Variants in ASIC2 observed in about 807,000 individuals in gnomAD.
ASIC2 encodes the protein acid-sensing ion channel 2.
Under a neutral mutation model 57.3 loss-of-function variants are expected in ASIC2, and 25 were observed. The ratio of observed to expected loss-of-function variants is 0.44; its 90% confidence interval spans 0.32 to 0.61. ASIC2 has a LOEUF of 0.61. ASIC2 is among the 20% of genes least tolerant of loss of function. The probability of loss-of-function intolerance (pLI) is 0.06; values close to 1 mark genes in which losing one functional copy is unlikely to be tolerated. For synonymous variants in ASIC2, 319 were observed against 307.5 expected (o/e 1.04, Z -0.39); for missense variants, 641 against 738.1 (o/e 0.87, Z 1.52).
chr17:33,305,256 G>GCTGATATCAAATCCTCTT (rs1463941990), intron 1 of ASIC2, among the ~76,000 whole-genome samples: 2 of 152,112 alleles, frequency 1.3e-5, no homozygotes, highest in Non-Finnish European at 2.9e-5. Flanking sequence ...CGCAGATTTT[G>GCTGATATCAAATCCTCTT]CTGATATCAA....
chr17:33,590,486 C>T (rs1421042652), intron 1 of ASIC2, among the ~76,000 whole-genome samples: 1 of 152,160 alleles, frequency 6.6e-6, no homozygotes, highest in East Asian at 1.9e-4. Flanking sequence ...CTGCTAGGCT[C>T]ATGAAATGAA....
chr17:33,610,156 T>C (rs982100561), intron 1 of ASIC2, among the ~76,000 whole-genome samples: 2 of 152,152 alleles, frequency 1.3e-5, no homozygotes, highest in Non-Finnish European at 2.9e-5. Flanking sequence ...TCTTTCTCCC[T>C]ATTTTGCCTC....
intron 1 of ASIC2, among the ~76,000 whole-genome samples, chr17:34,076,506 C>T (rs905072535): frequency 6.6e-6 from 1 of 152,212 alleles, no homozygotes; most frequent in Admixed American, 6.5e-5. Flanking sequence ...GCCAGCCTCT[C>T]TCTGCTGGTA....
intron 1 of ASIC2, among the ~76,000 whole-genome samples, chr17:33,931,737 G>A (rs963837221): frequency 1.3e-5 from 2 of 152,174 alleles, no homozygotes; most frequent in African/African-American, 4.8e-5. Context: ...CTGGGAAAAG[G>A]ACTGCTTTGC....
At chr17:33,741,341 G>C (rs1346065940) in intron 1 of ASIC2, among the ~76,000 whole-genome samples, 2 of 152,178 alleles carry the variant, frequency 1.3e-5, no homozygotes, top group African/African-American at 4.8e-5. Flanking sequence ...CCTCATCTGT[G>C]ATGTGAGAAT....
chr17:33,028,759 C>G lies in ASIC2; in HGVS notation c.988-367G>C, dbSNP rs116734543. 3.4e-3 allele frequency among the ~76,000 whole-genome samples: 515 copies of G among 152,332 alleles called. 5 individuals are homozygous for G. Among genetic ancestry groups the G allele is most frequent in the African/African-American group, 0.012 (494 of 41,562 alleles). On this transcript the variant is annotated intron_variant, in intron 3 of 9. Transcript: ENST00000225823. The stretch of plus-strand genomic sequence containing the variant: ...CTCTTACCCCCACCATGTCTTCCCA[C>G]TTCCACATTTTGCCATCTTGCATCT...
chr17:33,984,993 G>C (rs1273076112), intron 1 of ASIC2, among the ~76,000 whole-genome samples: 1 of 152,210 alleles, frequency 6.6e-6, no homozygotes, highest in Non-Finnish European at 1.5e-5. Context: ...AAGGTGGAAA[G>C]AAAGTGGCAT....
intron 1 of ASIC2, among the ~76,000 whole-genome samples, chr17:33,456,996 G>A (rs987600745): frequency 2.6e-5 from 4 of 152,108 alleles, no homozygotes; most frequent in Non-Finnish European, 5.9e-5. Context: ...CTTCAATCCT[G>A]GGCTCCCTGC....
chr17:33,023,757 T>A, intron 6 of ASIC2, 104 bp downstream of exon 6: 1 of 1,488,064 alleles, frequency 6.7e-7, no homozygotes, highest in Non-Finnish European at 9.2e-7. Flanking sequence ...TAATGTTTGC[T>A]AACTTGAACC....
intron 1 of ASIC2, chr17:33,692,629 G>A (rs895404951): frequency 6.6e-6 from 1 of 152,124 alleles, no homozygotes; most frequent in South Asian, 2.1e-4. Flanking sequence ...ACCATGAATC[G>A]GAGCTTGCAG....
chr17:33,068,839 C>A (rs755229740), intron 3 of ASIC2, among the ~76,000 whole-genome samples: 1 of 151,974 alleles, frequency 6.6e-6, no homozygotes, highest in Non-Finnish European at 1.5e-5. Context: ...TCATTGATTT[C>A]GGCTGCAATC....
chr17:33,452,185 C>T (rs1912275141), intron 1 of ASIC2, among the ~76,000 whole-genome samples: 1 of 152,200 alleles, frequency 6.6e-6, no homozygotes, highest in Admixed American at 6.5e-5. Flanking sequence ...TACCTTCTAC[C>T]TGCTTAGAGG....
At chr17:33,363,496 G>A (rs1908688926) in intron 1 of ASIC2, among the ~76,000 whole-genome samples, 1 of 152,216 alleles carries the variant, frequency 6.6e-6, no homozygotes, top group Non-Finnish European at 1.5e-5. Flanking sequence ...CTCTTTCCAA[G>A]CTTTGTTCAT....
At chr17:33,781,124 C>T (rs1031792551) in intron 1 of ASIC2, among the ~76,000 whole-genome samples, 2 of 152,088 alleles carry the variant, frequency 1.3e-5, no homozygotes, top group African/African-American at 4.8e-5. Context: ...GGGGTGGTTC[C>T]CTTATCCTAA....
intron 1 of ASIC2, among the ~76,000 whole-genome samples, chr17:33,863,891 T>C (rs114810388): frequency 1.0e-5 from 1 of 95,678 alleles, no homozygotes; most frequent in Non-Finnish European, 2.4e-5. Flanking sequence ...TACAGTTACC[T>C]CTTTTTTTGT....
intron 1 of ASIC2, among the ~76,000 whole-genome samples, chr17:33,985,667 G>T (rs1328348534): frequency 1.3e-5 from 2 of 152,204 alleles, no homozygotes; most frequent in Non-Finnish European, 2.9e-5. Flanking sequence ...AAAACAAAAG[G>T]AGTTCCATGG....
At chr17:33,579,498 T>C (rs1366556816) in intron 1 of ASIC2, among the ~76,000 whole-genome samples, 2 of 152,110 alleles carry the variant, frequency 1.3e-5, no homozygotes, top group Admixed American at 6.5e-5. Context: ...TGCCTTACTG[T>C]GCCCAGAATT....
At chr17:33,038,614 G>T (rs2091918619) in intron 3 of ASIC2, among the ~76,000 whole-genome samples, 1 of 152,180 alleles carries the variant, frequency 6.6e-6, no homozygotes, top group Non-Finnish European at 1.5e-5. Flanking sequence ...CTATGGAACT[G>T]GAGGCTTTGA....
chr17:34,095,659 T>A (rs1205824440), intron 1 of ASIC2, among the ~76,000 whole-genome samples: 76 of 93,082 alleles, frequency 8.2e-4, no homozygotes, highest in African/African-American at 2.5e-3. Context: ...ATATATAATT[T>A]TATATATATA....
Sources: allele counts gnomAD v4.1 joint callset (sites outside exome capture counted in the v4.1 genomes callset), GRCh38; gene constraint gnomAD v4.1.1; transcripts MANE v1.5; gene names NCBI Gene and HGNC (gene_info 2026-07-23, HGNC 2026-07-21).